The following GRIK2 variants were observed in gnomAD, a reference collection of about 807,000 sequenced individuals.
The protein encoded by GRIK2 is glutamate ionotropic receptor kainate type subunit 2, also known as glutamate receptor ionotropic, kainate 2.
Under a neutral mutation model 100.3 loss-of-function variants are expected in GRIK2, and 32 were observed. The observed-to-expected ratio is 0.32, with a 90% CI of 0.24 to 0.43. The LOEUF is 0.43. GRIK2 is among the 20% of genes least tolerant of loss of function. GRIK2 has a pLI of 1.00. For missense variants in GRIK2, 843 were observed against 1,114.9 expected (o/e 0.76, Z 3.47); for synonymous variants, 417 against 389.4 (o/e 1.07, Z -0.83).
At chr6:102,066,404 TAGAGCACTGGCAGGCCAGAC>T (rs1772018838) in intron 16 of GRIK2, among the ~76,000 whole-genome samples, 1 of 151,500 alleles carries the variant, frequency 6.6e-6, no homozygotes, top group South Asian at 2.1e-4. Flanking sequence ...GAGAGATACA[TAGAGCACTGGCAGGCCAGAC>T]AGAAAAACAG....
intron 7 of GRIK2, among the ~76,000 whole-genome samples, chr6:101,759,370 AAAG>A (rs773312899): frequency 1.3e-5 from 2 of 152,116 alleles, no homozygotes; most frequent in Non-Finnish European, 2.9e-5. Context: ...TTTCTGAGTA[AAAG>A]AAGGAGGCTC....
chr6:102,016,759 T>G (rs1292977688), intron 14 of GRIK2, among the ~76,000 whole-genome samples: 1 of 151,986 alleles, frequency 6.6e-6, no homozygotes. Context: ...ACAATCAAAT[T>G]CAGGAAATGC....
intron 7 of GRIK2, among the ~76,000 whole-genome samples, chr6:101,774,084 A>G (rs1191589272): frequency 1.3e-5 from 2 of 152,112 alleles, no homozygotes; most frequent in Non-Finnish European, 2.9e-5. Context: ...GGCCTTTGCT[A>G]TAATTTAATT....
At chr6:101,639,739 G>C (rs974578028) in intron 4 of GRIK2, among the ~76,000 whole-genome samples, 1 of 152,050 alleles carries the variant, frequency 6.6e-6, no homozygotes, top group African/African-American at 2.4e-5. Context: ...CATTATCTAA[G>C]CATCTAACTT....
intron 2 of GRIK2, among the ~76,000 whole-genome samples, chr6:101,543,134 A>C (rs1776084330): frequency 6.6e-6 from 1 of 152,192 alleles, no homozygotes; most frequent in African/African-American, 2.4e-5. Context: ...AAAATGATGG[A>C]TGTCCTGCTT....
intron 4 of GRIK2, among the ~76,000 whole-genome samples, chr6:101,665,093 C>T (rs770697108): frequency 6.6e-6 from 1 of 152,178 alleles, no homozygotes; most frequent in Non-Finnish European, 1.5e-5. Flanking sequence ...GCTGGAATCA[C>T]AGATACACTC....
intron 7 of GRIK2, among the ~76,000 whole-genome samples, chr6:101,729,640 T>C (rs796542630): frequency 8.3e-4 from 126 of 152,018 alleles, no homozygotes; most frequent in African/African-American, 2.6e-3. Context: ...AGAAGCGTCA[T>C]ATCCTGAACG....
rs565132810 is a variant in GRIK2 at position 101,783,823 on chromosome 6, C to T, written c.952-15825C>T. Among the ~76,000 whole-genome samples the T allele has an allele frequency of 3.4e-3, 511 of 152,248 alleles. 3 individuals carry two copies. The highest frequency in any genetic ancestry group is 4.7e-3 in the Non-Finnish European group (319 of 68,024). ...CATTTTGCCCCTGCCCTCTGTGGAA[C>T]TTTGAACTTGAGATAGATTATTTAG... On this transcript the variant is annotated intron_variant, in intron 7 of 16. Coordinates refer to ENST00000369134, the MANE Select transcript of GRIK2 (RefSeq NM_021956.5).
At chr6:101,866,402 C>T (rs1178061061) in intron 11 of GRIK2, among the ~76,000 whole-genome samples, 1 of 152,026 alleles carries the variant, frequency 6.6e-6, no homozygotes, top group Non-Finnish European at 1.5e-5. Context: ...ACATTGCATG[C>T]CTGTAGTAAA....
At chr6:101,714,538 TC>T (rs1353210853) in intron 7 of GRIK2, among the ~76,000 whole-genome samples, 1 of 151,780 alleles carries the variant, frequency 6.6e-6, no homozygotes, top group Admixed American at 6.6e-5. Flanking sequence ...TAAAATATTA[TC>T]TTCTGAATTA....
intron 4 of GRIK2, among the ~76,000 whole-genome samples, chr6:101,659,902 A>AT (rs1769483721): frequency 6.6e-6 from 1 of 151,892 alleles, no homozygotes; most frequent in African/African-American, 2.4e-5. Flanking sequence ...TGCCCTTAAC[A>AT]TTTTTTCCTT....
chr6:101,988,024 C>T (rs1343276535), intron 14 of GRIK2, among the ~76,000 whole-genome samples: 1 of 151,402 alleles, frequency 6.6e-6, no homozygotes, highest in Non-Finnish European at 1.5e-5. Flanking sequence ...TTTTCTCCTT[C>T]AGCTACTGCT....
intron 2 of GRIK2, among the ~76,000 whole-genome samples, chr6:101,554,033 A>C (rs1776628205): frequency 6.6e-6 from 1 of 152,208 alleles, no homozygotes; most frequent in Non-Finnish European, 1.5e-5. Flanking sequence ...TGACCCAAGA[A>C]CAGCTAACAC....
At chr6:101,678,863 A>G (rs1381163701) in intron 5 of GRIK2, among the ~76,000 whole-genome samples, 1 of 152,164 alleles carries the variant, frequency 6.6e-6, no homozygotes, top group Non-Finnish European at 1.5e-5. Context: ...ATTTATTTAA[A>G]CTGATTGAGC....
intron 15 of GRIK2, among the ~76,000 whole-genome samples, chr6:102,046,994 TA>T (rs1463221726): frequency 6.6e-6 from 1 of 152,034 alleles, no homozygotes; most frequent in African/African-American, 2.4e-5. Flanking sequence ...AAAGGAGTGT[TA>T]AAAAATATAT....
intron 14 of GRIK2, among the ~76,000 whole-genome samples, chr6:102,007,335 G>GTAAT: frequency 6.6e-6 from 1 of 152,242 alleles, no homozygotes; most frequent in South Asian, 2.1e-4. Flanking sequence ...TGAGTGAGAA[G>GTAAT]TAATTAGGTC....
In GRIK2 at chr6:102,068,508, A is replaced by G. The variant is rs1483933020; in HGVS notation, c.2724A>G (p.Ala908=). 2.5e-6 allele frequency: 4 copies of G among 1,610,664 alleles called. No individual in the cohort carries two copies. The highest frequency in any genetic ancestry group is 2.7e-5 in the African/African-American group (2 of 74,662). ...DRRLPGKETM[A] is the part of the protein sequence containing the mutation. ...GGTTGCCAGGTAAAGAAACCATGGC[A>G]TAAAGCTGGGAGGCCAAACACCCAA... Residue 908 remains alanine (A), a synonymous_variant, in exon 17 of 17, where the codon GCA becomes GCG. Coordinates refer to ENST00000369134, the MANE Select transcript of GRIK2 (RefSeq NM_021956.5).
At chr6:101,624,582 G>A (rs955491550) in intron 3 of GRIK2, among the ~76,000 whole-genome samples, 1 of 152,134 alleles carries the variant, frequency 6.6e-6, no homozygotes, top group South Asian at 2.1e-4. Flanking sequence ...ATTTTCACAC[G>A]GTAGAATAAT....
chr6:101,428,432 T>C (rs577344084), intron 2 of GRIK2, among the ~76,000 whole-genome samples: 1 of 152,330 alleles, frequency 6.6e-6, no homozygotes, highest in Admixed American at 6.5e-5. Context: ...ACACAGAAGA[T>C]AAGGCCTAAG....
Sources: allele counts gnomAD v4.1 joint callset (sites outside exome capture counted in the v4.1 genomes callset), GRCh38; gene constraint gnomAD v4.1.1; transcripts MANE v1.5; gene names NCBI Gene and HGNC (gene_info 2026-07-23, HGNC 2026-07-21).